EPM2A: variants seen among roughly 807,000 people sequenced by gnomAD.
EPM2A encodes laforin.
Under a neutral mutation model 26.5 loss-of-function variants are expected in EPM2A, and 21 were observed. The ratio of observed to expected loss-of-function variants is 0.79; its 90% confidence interval spans 0.56 to 1.14. The LOEUF (loss-of-function observed/expected upper bound fraction) is 1.14, where lower values mean the gene tolerates loss of function less well. Ranked by LOEUF, EPM2A falls within the 50% of genes most tolerant of loss-of-function variation. The pLI, the probability that EPM2A is intolerant of heterozygous loss-of-function variation, is 0.00. For missense variants in EPM2A, 458 were observed against 440.8 expected (o/e 1.04, Z -0.35); for synonymous variants, 217 against 177.6 (o/e 1.22, Z -1.76).
At chr6:145,614,804 C>G (rs890950816) in intron 2 of EPM2A, among the ~76,000 whole-genome samples, 9 of 152,066 alleles carry the variant, frequency 5.9e-5, no homozygotes, top group African/African-American at 2.2e-4. Flanking sequence ...TCACAAATCA[C>G]CATAGTAGAT....
At chr6:145,514,931 A>C (rs1780105178) in intron 2 of EPM2A, among the ~76,000 whole-genome samples, 7 of 152,228 alleles carry the variant, frequency 4.6e-5, no homozygotes, top group Admixed American at 4.6e-4. Context: ...GTTGGCCTAA[A>C]GGACATTCCT....
intron 2 of EPM2A, among the ~76,000 whole-genome samples, chr6:145,509,436 A>G (rs1182740956): frequency 6.6e-6 from 1 of 152,200 alleles, no homozygotes. Flanking sequence ...GCCCATTTTT[A>G]GCATTTTTAA....
chr6:145,724,286 T>C lies in EPM2A; in HGVS notation c.301+10912A>G, dbSNP rs147905437. Among the ~76,000 whole-genome samples the C allele has an allele frequency of 1.5e-3, 227 of 152,226 alleles. 1 individual carries two copies. The highest frequency in any genetic ancestry group is 5.2e-3 in the African/African-American group (217 of 41,568). On this transcript the variant is annotated intron_variant, in intron 1 of 3. Coordinates refer to ENST00000367519, the MANE Select transcript of EPM2A (RefSeq NM_005670.4). Reference sequence around the variant, plus strand: ...CAAAAGTTAATTTATTTCCTAGATATCAGCAAAGAACAACTGAAATTTAAT... The same window carrying C: ...CAAAAGTTAATTTATTTCCTAGATACCAGCAAAGAACAACTGAAATTTAAT...
At chr6:145,600,665 A>C (rs975098108) in intron 2 of EPM2A, among the ~76,000 whole-genome samples, 9 of 152,118 alleles carry the variant, frequency 5.9e-5, no homozygotes, top group Admixed American at 3.3e-4. Context: ...ATTAAGCTTT[A>C]ACAGTAAAAG....
At chr6:145,448,079 T>C (rs1380685705) in intron 4 of EPM2A, among the ~76,000 whole-genome samples, 1 of 152,134 alleles carries the variant, frequency 6.6e-6, no homozygotes, top group Non-Finnish European at 1.5e-5. Flanking sequence ...TAAGTATGTA[T>C]AAGATACAAT....
At chr6:145,662,406 G>A (rs1395309261) in intron 2 of EPM2A, among the ~76,000 whole-genome samples, 1 of 151,384 alleles carries the variant, frequency 6.6e-6, no homozygotes, top group Non-Finnish European at 1.5e-5. Flanking sequence ...TTCTCATTCT[G>A]CCTAAAACTA....
intron 4 of EPM2A, among the ~76,000 whole-genome samples, chr6:145,451,404 C>G (rs889552170): frequency 3.3e-5 from 5 of 152,204 alleles, no homozygotes; most frequent in African/African-American, 1.2e-4. Context: ...ACTGCAACAT[C>G]TCACTGAAAT....
intron 2 of EPM2A, among the ~76,000 whole-genome samples, chr6:145,672,363 T>C (rs765176840): frequency 2.0e-5 from 3 of 152,184 alleles, no homozygotes; most frequent in Admixed American, 6.5e-5. Context: ...AATAAAATTA[T>C]AGAAGTTGGA....
At chr6:145,553,295 G>A (rs898472992) in intron 2 of EPM2A, among the ~76,000 whole-genome samples, 4 of 151,946 alleles carry the variant, frequency 2.6e-5, no homozygotes, top group African/African-American at 9.7e-5. Flanking sequence ...ACCCTTCTTG[G>A]GTATTTCTTC....
chr6:145,424,978 A>G (rs1269435787), intron 4 of EPM2A, among the ~76,000 whole-genome samples: 7 of 57,080 alleles, frequency 1.2e-4, no homozygotes, highest in Non-Finnish European at 2.4e-4. Context: ...ACATAGATCC[A>G]TATCTATCTA....
At chr6:145,440,686 G>A (rs1416141002) in intron 4 of EPM2A, among the ~76,000 whole-genome samples, 5 of 152,196 alleles carry the variant, frequency 3.3e-5, no homozygotes, top group Non-Finnish European at 7.3e-5. Context: ...AAACAAAGGG[G>A]CTAAAGACCC....
intron 1 of EPM2A, chr6:145,722,664 A>T: frequency 2.5e-6 from 1 of 397,850 alleles, no homozygotes; most frequent in South Asian, 1.9e-5. Flanking sequence ...CCCAAAATTC[A>T]TATAAAAGTC....
chr6:145,621,147 G>A (rs1441311697), downstream of EPM2A, among the ~76,000 whole-genome samples: 1 of 152,166 alleles, frequency 6.6e-6, no homozygotes, highest in Non-Finnish European at 1.5e-5. Context: ...ACTGTTACAT[G>A]AATTTGGCTT....
chr6:145,671,315 A>G (rs1005886858), intron 2 of EPM2A: 6 of 1,026,876 alleles, frequency 5.8e-6, no homozygotes, highest in Non-Finnish European at 7.0e-6. Flanking sequence ...TGGACTCTTG[A>G]GTTGAATGTA....
intron 2 of EPM2A, among the ~76,000 whole-genome samples, chr6:145,589,106 T>C (rs1299146068): frequency 6.6e-6 from 1 of 152,150 alleles, no homozygotes; most frequent in Admixed American, 6.6e-5. Context: ...GAACAAAGCT[T>C]GCTGGTGACA....
At chr6:145,427,399 G>T (rs1778866560) in intron 4 of EPM2A, among the ~76,000 whole-genome samples, 1 of 152,138 alleles carries the variant, frequency 6.6e-6, no homozygotes, top group Admixed American at 6.6e-5. Flanking sequence ...AGGTGAAAGG[G>T]TGAGAGTGGC....
Position 145,635,265 on chromosome 6 carries a change from G to A in EPM2A, c.698C>T (p.Thr233Ile), listed in dbSNP as rs1003076660. The A allele has an allele frequency of 1.9e-6, 3 of 1,614,066 alleles. No homozygotes were observed. Among genetic ancestry groups the A allele is most frequent in the African/African-American group, 1.3e-5 (1 of 75,046 alleles). Residue 233 changes from threonine to isoleucine, a missense_variant, in exon 3 of 4, where the codon ACA (threonine) becomes ATA (isoleucine). Physicochemically the swap from Thr to Ile is moderately conservative, Grantham distance 89. Transcript: ENST00000367519. ...CTTACCTTCGGTGCTCATATCTGGT[G>A]TTGGCATCCAGATGTAGGCCAAGCC... ...EEGLAYIWMP[T>I]PDMSTEGRVQ...
At chr6:145,522,096 G>A (rs1780209177) in intron 2 of EPM2A, among the ~76,000 whole-genome samples, 1 of 152,196 alleles carries the variant, frequency 6.6e-6, no homozygotes, top group East Asian at 1.9e-4. Flanking sequence ...GGGACTACAG[G>A]CACCCATCAC....
rs80217149 is a variant in EPM2A, at chr6:145,557,187, C to G, written c.341-54612G>C. On this transcript the variant is annotated intron_variant, in intron 2 of 3. Transcript: ENST00000450221. Reference sequence around the variant, plus strand: ...ATTATATATTTTGAGAGTAACTTCTCAATTCACTTTCTGACAGAAGTTCCA... The same window carrying G: ...ATTATATATTTTGAGAGTAACTTCTGAATTCACTTTCTGACAGAAGTTCCA... Among the ~76,000 whole-genome samples the G allele has an allele frequency of 1.6e-3, 249 of 152,164 alleles. 2 individuals are homozygous for G. Among genetic ancestry groups the G allele is most frequent in the African/African-American group, 5.8e-3 (241 of 41,534 alleles).
Sources: gnomAD v4.1 joint callset for allele counts (sites outside exome capture counted in the v4.1 genomes callset) on GRCh38, gnomAD v4.1.1 for gene constraint, MANE v1.5 for transcripts, NCBI Gene and HGNC (gene_info 2026-07-23, HGNC 2026-07-21) for gene names.